Variants in ZFYVE28 observed in about 807,000 individuals in gnomAD.
The protein encoded by ZFYVE28 is lateral signaling target protein 2 homolog.
In ZFYVE28, 40 loss-of-function variants were observed where a neutral mutation model predicts 82.1. The observed-to-expected ratio is 0.49, with a 90% CI of 0.38 to 0.63. The LOEUF (loss-of-function observed/expected upper bound fraction) is 0.63. ZFYVE28 is among the 30% of genes least tolerant of loss of function. The pLI is 0.00. For synonymous variants in ZFYVE28, 612 were observed against 546.1 expected, an observed-to-expected ratio of 1.12 and a Z score of -1.68; for missense variants, 1,321 against 1,242.1, an observed-to-expected ratio of 1.06 and a Z score of -0.96.
rs1265124501 is a variant in ZFYVE28 at position 2,339,796 on chromosome 4, G to A, written c.319-141C>T. On this transcript the variant is annotated intron_variant, in intron 3 of 12. Coordinates refer to ENST00000290974, the MANE Select transcript of ZFYVE28 (RefSeq NM_020972.3). This position sits in a 1 kb window ranked among gnomAD's most constrained non-coding sequence, Gnocchi z 5.0. ...AGGCCAGCTCGTGTTCCCGGTCCCC[G>A]CAGGAGGTTTTTCTTACATTCAGAG... The A allele has an allele frequency of 2.3e-5, 17 of 736,488 alleles. No individual in the cohort carries two copies. The highest frequency in any genetic ancestry group is 2.7e-5 in the East Asian group (1 of 36,964). 45.6% of individuals were successfully genotyped at this position (736,488 alleles called of 1,614,324 possible).
At chr4:2,344,955 T>C (rs180752665) in intron 2 of ZFYVE28, among the ~76,000 whole-genome samples, 1 of 151,898 alleles carries the variant, frequency 6.6e-6, no homozygotes, top group African/African-American at 2.4e-5. Context: ...CTCACGCCTG[T>C]AATCCCAGCA....
chr4:2,415,504 G>T (rs565297195), intron 1 of ZFYVE28, among the ~76,000 whole-genome samples: 1 of 143,070 alleles, frequency 7.0e-6, no homozygotes, highest in Non-Finnish European at 1.5e-5. Context: ...AAAGAAGCTC[G>T]CTGTGCAGTT....
intron 1 of ZFYVE28, among the ~76,000 whole-genome samples, chr4:2,388,037 G>C (rs1465435994): frequency 6.6e-6 from 1 of 152,212 alleles, no homozygotes; most frequent in Non-Finnish European, 1.5e-5. Flanking sequence ...CGGGCGGCTG[G>C]CCTCCCATGG....
chr4:2,369,843 TTC>T (rs1727318540), intron 1 of ZFYVE28, among the ~76,000 whole-genome samples: 1 of 33,904 alleles, frequency 2.9e-5, no homozygotes, highest in African/African-American at 8.2e-5. Context: ...ATTTTTTTTT[TTC>T]TTTTCTTTTT....
chr4:2,337,512 G>A lies in ZFYVE28; in HGVS notation c.522-16C>T. ...CGAGACGTAGCTGCAAACACATGGA[G>A]ACCTGTGAGGCCGCACCTGGGCTGT... On this transcript the variant is annotated splice_polypyrimidine_tract_variant and intron_variant, in intron 4 of 12. Coordinates refer to ENST00000290974, the MANE Select transcript of ZFYVE28 (RefSeq NM_020972.3). 3 of 1,589,724 alleles carry A rather than the reference G, an allele frequency of 1.9e-6. No individual in the cohort carries two copies. Among genetic ancestry groups the A allele is most frequent in the Non-Finnish European group, 2.6e-6 (3 of 1,166,684 alleles).
chr4:2,389,273 C>G (rs1168756033), intron 1 of ZFYVE28, among the ~76,000 whole-genome samples: 3 of 152,210 alleles, frequency 2.0e-5, no homozygotes, highest in Non-Finnish European at 4.4e-5. Flanking sequence ...TTGGAGCACC[C>G]AGAGCCTACC....
rs183453389 is a variant in ZFYVE28, at chr4:2,346,859, A to G, written c.181-5244T>C. Among the ~76,000 whole-genome samples, 165 of 152,302 alleles carry G rather than the reference A, an allele frequency of 1.1e-3. 1 individual carries two copies. The highest frequency in any genetic ancestry group is 3.9e-3 in the African/African-American group (161 of 41,582). Reference sequence around the variant, plus strand: ...GCCAATTAATAAAAAAGAAGGAAAAAAAGAGGAATGGGAATAAAGAAAAGA... The same window carrying G: ...GCCAATTAATAAAAAAGAAGGAAAAGAAGAGGAATGGGAATAAAGAAAAGA... On this transcript the variant is annotated intron_variant, in intron 2 of 12. Coordinates refer to ENST00000290974, the MANE Select transcript of ZFYVE28 (RefSeq NM_020972.3).
At chr4:2,407,828 C>T (rs1732085353) in intron 1 of ZFYVE28, among the ~76,000 whole-genome samples, 1 of 152,202 alleles carries the variant, frequency 6.6e-6, no homozygotes, top group African/African-American at 2.4e-5. Flanking sequence ...CCTCGTGATC[C>T]ACCTGCCTCG....
At chr4:2,307,842 T>C (rs865922246) in intron 7 of ZFYVE28, among the ~76,000 whole-genome samples, 4 of 152,168 alleles carry the variant, frequency 2.6e-5, no homozygotes, top group African/African-American at 9.7e-5. Context: ...CTGGAGTTGA[T>C]TTTTGTGTAC....
intron 1 of ZFYVE28, among the ~76,000 whole-genome samples, chr4:2,378,387 G>T (rs572547367): frequency 1.3e-5 from 2 of 152,294 alleles, no homozygotes; most frequent in South Asian, 2.1e-4. Flanking sequence ...GACCACCATT[G>T]TATATGTGGC....
At chr4:2,353,447 G>A (rs556091848) in intron 2 of ZFYVE28, among the ~76,000 whole-genome samples, 24 of 152,350 alleles carry the variant, frequency 1.6e-4, no homozygotes, top group Admixed American at 1.2e-3. Context: ...GCCGTTTGCC[G>A]TTGTGTTGGA....
chr4:2,402,572 C>T (rs949748393), intron 1 of ZFYVE28, among the ~76,000 whole-genome samples: 5 of 152,122 alleles, frequency 3.3e-5, no homozygotes, highest in African/African-American at 7.2e-5. Context: ...CCACAAAGCC[C>T]GGGGAAGTGG....
intron 1 of ZFYVE28, among the ~76,000 whole-genome samples, chr4:2,365,618 C>A (rs960416899): frequency 6.6e-6 from 1 of 152,146 alleles, no homozygotes; most frequent in Non-Finnish European, 1.5e-5. Flanking sequence ...AAGGCTCCCG[C>A]TCCGGCCTGG....
At position 2,304,906 on chromosome 4, in the gene ZFYVE28, G is replaced by A; in HGVS notation, c.1434C>T (p.Ser478=). 1.9e-6 allele frequency: 3 copies of A among 1,612,720 alleles called. No individual in the cohort carries two copies. Among genetic ancestry groups the A allele is most frequent in the Non-Finnish European group, 2.5e-6 (3 of 1,179,868 alleles). The part of the protein sequence containing the change: ...TDGASLAGTS[S]CSCLDSRLHL... ...GCAGCCGCGAGTCCAGGCAGCTGCAGGAGCTGGTGCCCGCGAGGCTGGCCC... is the reference window on the plus strand; with the variant it reads ...GCAGCCGCGAGTCCAGGCAGCTGCAAGAGCTGGTGCCCGCGAGGCTGGCCC... Residue 478 remains serine (S), a synonymous_variant, in exon 8 of 13, where the codon TCC becomes TCT. Coordinates refer to ENST00000290974, the MANE Select transcript of ZFYVE28 (RefSeq NM_020972.3).
chr4:2,415,148 A>G (rs1217145305), intron 1 of ZFYVE28, among the ~76,000 whole-genome samples: 1 of 152,266 alleles, frequency 6.6e-6, no homozygotes, highest in East Asian at 1.9e-4. Flanking sequence ...ATTATTCATC[A>G]GGCATTCTTT....
chr4:2,305,042 G>A lies in ZFYVE28; in HGVS notation c.1298C>T (p.Pro433Leu), dbSNP rs1162194905. ...TGGCCCACCCTGCCCTTTCTCCTGG[G>A]GGTCGGCCCAGGTACTGCCTGCCCA... ...FGWAGSTWAD[P>L]QEKGQGGPGG... is the part of the protein sequence containing the mutation. Residue 433 changes from proline to leucine, a missense_variant, in exon 8 of 13, where the codon CCC becomes CTC. Around this residue, in one of 2 missense-constraint regions of ZFYVE28, gnomAD observed 978 missense variants for 833.7 expected, o/e 1.17. Transcript: ENST00000290974. 6.2e-6 allele frequency: 10 copies of A among 1,612,492 alleles called. No homozygotes were observed. Among genetic ancestry groups the A allele is most frequent in the South Asian group, 5.5e-5 (5 of 91,064 alleles).
At chr4:2,330,834 G>C in intron 6 of ZFYVE28, 1 of 1,534,920 alleles carries the variant, frequency 6.5e-7, no homozygotes, top group Non-Finnish European at 8.7e-7. Context: ...CCAGGGCAGC[G>C]GGTGCGTGGG....
intron 6 of ZFYVE28, among the ~76,000 whole-genome samples, chr4:2,321,622 T>C (rs988984678): frequency 1.3e-5 from 2 of 151,986 alleles, no homozygotes; most frequent in Non-Finnish European, 2.9e-5. Context: ...ATTACCCAAA[T>C]AGAGCCTTAA....
At chr4:2,289,490 C>T (rs557079983) in intron 8 of ZFYVE28, among the ~76,000 whole-genome samples, 7 of 152,156 alleles carry the variant, frequency 4.6e-5, no homozygotes, top group Non-Finnish European at 1.0e-4. Flanking sequence ...GGCCAGACCT[C>T]AGGGCCACAG....
Sources: gnomAD v4.1 joint callset for allele counts (sites outside exome capture counted in the v4.1 genomes callset) on GRCh38, gnomAD v4.1.1 for gene constraint, gnomAD v4.1.1 regional missense constraint, Gnocchi (gnomAD v3.1) non-coding constraint, MANE v1.5 for transcripts, NCBI Gene and HGNC (gene_info 2026-07-23, HGNC 2026-07-21) for gene names.